The following POR variants were observed in gnomAD, a reference collection of about 807,000 sequenced individuals.
The protein encoded by POR is NADPH--cytochrome P450 reductase.
In POR, 56 loss-of-function variants were observed where a neutral mutation model predicts 84.0. The observed-to-expected ratio is 0.67, with a 90% CI of 0.54 to 0.83. POR has a LOEUF of 0.83. Among genes scored for constraint, POR ranks in the 40% least tolerant of loss-of-function variants. The probability of loss-of-function intolerance (pLI) is 0.00; values close to 1 mark genes in which losing one functional copy is unlikely to be tolerated. For missense variants in POR, 938 were observed against 944.3 expected (o/e 0.99, Z 0.09); for synonymous variants, 414 against 400.5 (o/e 1.03, Z -0.40).
intron 6 of POR, 21 bp from the exon 7 acceptor site, chr7:75,981,496 C>T (rs782127017): frequency 8.1e-6 from 13 of 1,602,182 alleles, no homozygotes; most frequent in Non-Finnish European, 1.1e-5. Flanking sequence ...AGCCGCTCCC[C>T]CTCTCCTCTC....
rs531240499 is a variant in POR, at chr7:75,977,686, G to A, written c.238-1765G>A. On this transcript the variant is annotated intron_variant, in intron 3 of 15. Transcript: ENST00000461988. ...CCAGCTACTCAGGAGGCTGAGGCAC[G>A]AGAATTGCTTGAACCCAGGAGGCAG... Among the ~76,000 whole-genome samples the A allele has an allele frequency of 7.2e-5, 11 of 152,328 alleles. No homozygotes were observed. In the South Asian group the frequency reaches 1.9e-3, roughly 26 times the overall value.
chr7:75,948,907 G>A (rs1289340281), intron 1 of POR, among the ~76,000 whole-genome samples: 2 of 152,174 alleles, frequency 1.3e-5, no homozygotes, highest in Non-Finnish European at 2.9e-5. Context: ...TGTAGATTCT[G>A]TTCTCAGGCA....
chr7:75,941,956 C>T (rs1277766846), intron 1 of POR, among the ~76,000 whole-genome samples: 5 of 152,124 alleles, frequency 3.3e-5, no homozygotes, highest in African/African-American at 7.2e-5. Context: ...CCATGACTCA[C>T]GCCTCTAATC....
intron 1 of POR, among the ~76,000 whole-genome samples, chr7:75,952,151 A>C (rs1283611699): frequency 5.9e-5 from 4 of 67,982 alleles, no homozygotes; most frequent in Non-Finnish European, 8.2e-5. Context: ...TGACCCCCCC[A>C]CCTCCCTCCC....
intron 1 of POR, among the ~76,000 whole-genome samples, chr7:75,952,081 G>A (rs1197273467): frequency 7.2e-6 from 1 of 138,154 alleles, no homozygotes; most frequent in Non-Finnish European, 1.6e-5. Flanking sequence ...GTGGCTGGCC[G>A]GGCGGGGGGC....
chr7:75,938,575 TAGTG>T (rs1236887252), intron 1 of POR, among the ~76,000 whole-genome samples: 1 of 152,028 alleles, frequency 6.6e-6, no homozygotes, highest in Admixed American at 6.6e-5. Context: ...CTGGGCAACT[TAGTG>T]AGACCCCATC....
In POR at chr7:75,983,591, G is replaced by A. The variant is rs782125318; in HGVS notation, c.902G>A (p.Arg301His). ...CGGAAGCTGAACCAGGGAACCGAGC[G>A]CCACCTCATGCACCTGGAATTGGAC... The change falls in exon 9 of 16, where the codon CGC (arginine) becomes CAC (histidine). Residue 301 changes from arginine (R) to histidine (H), a missense_variant. Physicochemically the swap from Arg to His is conservative, Grantham distance 29 (BLOSUM62 0). Coordinates refer to ENST00000461988, the MANE Select transcript of POR (RefSeq NM_000941.3). The A allele has an allele frequency of 7.4e-6, 12 of 1,613,056 alleles. No individual in the cohort carries two copies. The highest frequency in any genetic ancestry group is 6.7e-5 in the East Asian group (3 of 44,870).
At chr7:75,943,856 G>C in intron 1 of POR, 1 of 512,254 alleles carries the variant, frequency 2.0e-6, no homozygotes, top group East Asian at 5.5e-5. Flanking sequence ...AGAAATTGCA[G>C]GAAAGTCCAA....
intron 1 of POR, among the ~76,000 whole-genome samples, chr7:75,932,350 G>A (rs1452187058): frequency 1.3e-5 from 2 of 152,052 alleles, no homozygotes; most frequent in Non-Finnish European, 2.9e-5. Context: ...CCAGCTAATT[G>A]TTGTATTGTT....
intron 2 of POR, among the ~76,000 whole-genome samples, chr7:75,958,496 A>C (rs1342819271): frequency 3.9e-5 from 6 of 152,230 alleles, no homozygotes; most frequent in Admixed American, 6.5e-5. Context: ...TGAGCAGCCC[A>C]TTTTGCGGAT....
At chr7:75,980,967 G>T in intron 5 of POR, 81 bp from the exon 6 acceptor site, 1 of 1,451,504 alleles carries the variant, frequency 6.9e-7, no homozygotes, top group East Asian at 2.5e-5. Flanking sequence ...AGTGCTGTGG[G>T]GCCTCCCGCC....
At chr7:75,975,633 A>G (rs1332784191) in intron 3 of POR, among the ~76,000 whole-genome samples, 4 of 152,104 alleles carry the variant, frequency 2.6e-5, no homozygotes, top group African/African-American at 7.2e-5. Flanking sequence ...GTCAAATAAT[A>G]ATAATAATAG....
intron 2 of POR, among the ~76,000 whole-genome samples, chr7:75,966,857 G>A (rs916635428): frequency 5.3e-5 from 8 of 152,152 alleles, no homozygotes; most frequent in East Asian, 3.9e-4. Context: ...CAATTTAGGC[G>A]TGGAGAGCCT....
At chr7:75,962,964 G>T (rs1373464195) in intron 2 of POR, among the ~76,000 whole-genome samples, 1 of 152,128 alleles carries the variant, frequency 6.6e-6, no homozygotes, top group African/African-American at 2.4e-5. Context: ...CCACAGTCTG[G>T]ATTTTCCTGA....
chr7:75,971,962 A>G (rs1342738187), intron 2 of POR, among the ~76,000 whole-genome samples: 2 of 151,926 alleles, frequency 1.3e-5, no homozygotes, highest in African/African-American at 4.8e-5. Flanking sequence ...AGAGCGGAGC[A>G]GGGAAGTGGC....
At chr7:75,955,593 A>G (rs1364346648) in intron 2 of POR, among the ~76,000 whole-genome samples, 1 of 152,212 alleles carries the variant, frequency 6.6e-6, no homozygotes, top group Admixed American at 6.5e-5. Context: ...TGCTGCCTTC[A>G]GGGACTCCCT....
At position 75,934,807 on chromosome 7, in the gene POR, G is replaced by A. The variant is rs187938652; in HGVS notation, c.-4-19182G>A. Among the ~76,000 whole-genome samples, 20 of 152,348 alleles carry A rather than the reference G, an allele frequency of 1.3e-4. No individual in the cohort carries two copies. The East Asian group carries it at 1.4e-3, about 10-fold the overall frequency. The stretch of plus-strand genomic sequence containing the variant: ...AGGGTGAAAGCCATGAGCCTTGGCC[G>A]CTTCAATGTGGTGGTGAGCCTGTGG... On this transcript the variant is annotated intron_variant, in intron 1 of 15. Coordinates refer to ENST00000461988, the MANE Select transcript of POR (RefSeq NM_000941.3).
rs782378313 is a variant in POR at position 75,954,046 on chromosome 7, G to A, written c.54G>A (p.Ala18=). 60 of 1,610,294 alleles carry A rather than the reference G, an allele frequency of 3.7e-5. No individual in the cohort carries two copies. In the Middle Eastern group the frequency reaches 9.9e-4, roughly 27 times the overall value. Residue 18 remains alanine (A), a synonymous_variant, in exon 2 of 16, where the codon GCG becomes GCA. Coordinates refer to ENST00000461988, the MANE Select transcript of POR (RefSeq NM_000941.3). ...ACACCAGCTCCACCGTGTCCGAGGC[G>A]GTGGCCGAAGAAGTATCTCTTTTCA...
chr7:75,973,927 C>G (rs1788556710), intron 3 of POR, among the ~76,000 whole-genome samples: 2 of 151,914 alleles, frequency 1.3e-5, no homozygotes, highest in Admixed American at 6.6e-5. Context: ...ATCCATCTGC[C>G]TCGGTCTCCC....
Sources: allele counts gnomAD v4.1 joint callset (sites outside exome capture counted in the v4.1 genomes callset), GRCh38; gene constraint gnomAD v4.1.1; transcripts MANE v1.5; gene names NCBI Gene and HGNC (gene_info 2026-07-23, HGNC 2026-07-21).